Variants in RBFOX1 observed in about 807,000 individuals in gnomAD.
The protein encoded by RBFOX1 is RNA binding fox-1 homolog 1.
In RBFOX1, 8 loss-of-function variants were observed where a neutral mutation model predicts 57.7. The observed-to-expected ratio is 0.14, with a 90% CI of 0.08 to 0.25. The LOEUF (loss-of-function observed/expected upper bound fraction) is 0.25. Among genes scored for constraint, RBFOX1 ranks in the 10% least tolerant of loss-of-function variants. RBFOX1 has a pLI of 1.00. For missense variants in RBFOX1, 611 were observed against 548.5 expected (o/e 1.11, Z -1.14); for synonymous variants, 326 against 222.4 (o/e 1.47, Z -4.15).
intron 2 of RBFOX1, among the ~76,000 whole-genome samples, chr16:6,418,975 T>C (rs565931519): frequency 2.0e-5 from 3 of 152,210 alleles, no homozygotes; most frequent in Non-Finnish European, 2.9e-5. Flanking sequence ...AGCGTATGTA[T>C]GGGCTTGGAA....
chr16:5,873,865 G>A (rs970464925), intron 4 of RBFOX1, among the ~76,000 whole-genome samples: 1 of 152,156 alleles, frequency 6.6e-6, no homozygotes, highest in Non-Finnish European at 1.5e-5. Flanking sequence ...GCTTTGAAGG[G>A]TGGATTAGGT....
At chr16:6,954,879 T>G (rs2081438397) in intron 3 of RBFOX1, among the ~76,000 whole-genome samples, 1 of 152,144 alleles carries the variant, frequency 6.6e-6, no homozygotes, top group African/African-American at 2.4e-5. Flanking sequence ...TCAATTCATG[T>G]GTCCTCAAAT....
chr16:6,377,737 T>G (rs2091352717), intron 2 of RBFOX1, among the ~76,000 whole-genome samples: 3 of 152,228 alleles, frequency 2.0e-5, no homozygotes. Flanking sequence ...CTGTCTGTAA[T>G]CATATAAAAT....
At chr16:6,427,704 C>G (rs2795544) in intron 2 of RBFOX1, among the ~76,000 whole-genome samples, 63,272 of 151,974 alleles carry the variant, frequency 0.42, 16,113 homozygotes, top group African/African-American at 0.72. Context: ...ATAATTCTAT[C>G]TGCCATGATG....
intron 4 of RBFOX1, among the ~76,000 whole-genome samples, chr16:7,243,338 C>T (rs2094151204): frequency 6.6e-6 from 1 of 152,074 alleles, no homozygotes; most frequent in Non-Finnish European, 1.5e-5. Flanking sequence ...CTTCTCTGAC[C>T]TTTAGTTCTT....
chr16:7,571,850 C>T (rs976467424), intron 5 of RBFOX1, among the ~76,000 whole-genome samples: 2 of 152,132 alleles, frequency 1.3e-5, no homozygotes, highest in Non-Finnish European at 2.9e-5. Flanking sequence ...AAAGCTAGGC[C>T]CGGCGCCGTG....
intron 1 of RBFOX1, among the ~76,000 whole-genome samples, chr16:6,067,409 ACCCTG>A (rs1381683785): frequency 6.6e-6 from 1 of 152,116 alleles, no homozygotes; most frequent in East Asian, 1.9e-4. Flanking sequence ...ACAAACAAAC[ACCCTG>A]AAAATACAAG....
chr16:5,486,889 C>G (rs1330447732), intron 2 of RBFOX1, among the ~76,000 whole-genome samples: 1 of 152,032 alleles, frequency 6.6e-6, no homozygotes, highest in African/African-American at 2.4e-5. Context: ...GACCCAGCAA[C>G]CTCAGAAGCC....
chr16:7,480,463 A>C (rs560556924), intron 4 of RBFOX1, among the ~76,000 whole-genome samples: 84 of 152,370 alleles, frequency 5.5e-4, no homozygotes, highest in African/African-American at 1.4e-3. Context: ...ATTTGAGAAC[A>C]GTAAATGTGT....
intron 3 of RBFOX1, among the ~76,000 whole-genome samples, chr16:5,608,334 A>G (rs79919477): frequency 0.022 from 3,404 of 152,294 alleles, 121 homozygotes; most frequent in African/African-American, 0.077. Flanking sequence ...CCGTCTGAGC[A>G]GTCATAGCAT....
chr16:5,316,535 A>G (rs527291849), intron 1 of RBFOX1, among the ~76,000 whole-genome samples: 5 of 152,236 alleles, frequency 3.3e-5, no homozygotes, highest in Non-Finnish European at 5.9e-5. Flanking sequence ...TGACTCTGCC[A>G]TGTACCAATA....
At chr16:6,676,709 C>G (rs2057772292) in intron 3 of RBFOX1, among the ~76,000 whole-genome samples, 1 of 113,148 alleles carries the variant, frequency 8.8e-6, no homozygotes, top group African/African-American at 3.4e-5. Flanking sequence ...AAGTCTCACT[C>G]TTGTCCCCCA....
At chr16:6,855,858 C>CCCTTA (rs1567576718) in intron 3 of RBFOX1, among the ~76,000 whole-genome samples, 1 of 51,004 alleles carries the variant, frequency 2.0e-5, no homozygotes, top group East Asian at 1.2e-3. Flanking sequence ...TCCCTCCCTT[C>CCCTTA]CTTTCTTCCC....
rs1311760824 is a variant in RBFOX1 at position 7,029,061 on chromosome 16, T to TATAC, written c.-15-22993_-15-22992insCATA. ...AAAAAAAAAGCTATATATATATATA[T>TATAC]ATATATATATATATATATATACACA... On this transcript the variant is annotated intron_variant, in intron 3 of 15. Transcript: ENST00000550418. Among the ~76,000 whole-genome samples, 110 of 30,886 alleles carry TATAC rather than the reference T, an allele frequency of 3.6e-3. 10 individuals are homozygous for TATAC. Among genetic ancestry groups the TATAC allele is most frequent in the South Asian group, 0.012 (8 of 652 alleles). 20.3% of individuals were successfully genotyped at this position (30,886 alleles called of 152,430 possible).
rs571676512 is a variant in RBFOX1, at chr16:6,330,086, A to C, written c.-64+13029A>C. On this transcript the variant is annotated intron_variant, in intron 2 of 15. Transcript: ENST00000550418. ...CATGCAAAGAAAGATGAAGAACATG[A>C]GCACACTGTACAATAATGTATGTCT... is the stretch of plus-strand genomic sequence containing the variant. Among the ~76,000 whole-genome samples, 3 of 152,336 alleles carry C rather than the reference A, an allele frequency of 2.0e-5. No individual in the cohort carries two copies. In the South Asian group the frequency reaches 6.2e-4, roughly 32 times the overall value.
At chr16:7,032,929 C>G (rs2043186788) in intron 3 of RBFOX1, among the ~76,000 whole-genome samples, 2 of 152,118 alleles carry the variant, frequency 1.3e-5, no homozygotes, top group South Asian at 4.2e-4. Context: ...CTTTTCCTGG[C>G]TGGTGGGAGA....
intron 3 of RBFOX1, among the ~76,000 whole-genome samples, chr16:5,606,259 G>A (rs1310078140): frequency 2.0e-5 from 3 of 152,098 alleles, no homozygotes; most frequent in Non-Finnish European, 4.4e-5. Context: ...GTCCTCCAGT[G>A]TCCATGCCCC....
At chr16:7,561,097 C>T (rs1197465271) in intron 5 of RBFOX1, among the ~76,000 whole-genome samples, 1 of 152,174 alleles carries the variant, frequency 6.6e-6, no homozygotes, top group African/African-American at 2.4e-5. Context: ...ACAAGCAGAT[C>T]TTAAAATGGT....
intron 1 of RBFOX1, among the ~76,000 whole-genome samples, chr16:6,168,680 T>C (rs2096935682): frequency 6.6e-6 from 1 of 152,162 alleles, no homozygotes; most frequent in Non-Finnish European, 1.5e-5. Context: ...TTCTCTCACC[T>C]CTGCCACTCC....
Sources: gnomAD v4.1 joint callset for allele counts (sites outside exome capture counted in the v4.1 genomes callset) on GRCh38, gnomAD v4.1.1 for gene constraint, MANE v1.5 for transcripts, NCBI Gene and HGNC (gene_info 2026-07-23, HGNC 2026-07-21) for gene names.